Variants in ADD3 observed in about 807,000 individuals in gnomAD.
ADD3 encodes adducin 3.
Under a neutral mutation model 80.2 loss-of-function variants are expected in ADD3, and 25 were observed. The observed-to-expected ratio is 0.31, with a 90% CI of 0.23 to 0.44. The LOEUF is 0.44. Among genes scored for constraint, ADD3 ranks in the 20% least tolerant of loss-of-function variants. The pLI, the probability that ADD3 is intolerant of heterozygous loss-of-function variation, is 1.00. For synonymous variants in ADD3, 284 were observed against 289.6 expected (o/e 0.98, Z 0.20); for missense variants, 829 against 847.5 (o/e 0.98, Z 0.27).
intron 1 of ADD3, among the ~76,000 whole-genome samples, chr10:110,099,788 C>T (rs1037135246): frequency 2.4e-4 from 36 of 152,274 alleles, no homozygotes; most frequent in African/African-American, 8.7e-4. Context: ...TCTGCATGGC[C>T]AAAGGCTACA....
chr10:110,025,852 C>G (rs1220254023), intron 1 of ADD3, among the ~76,000 whole-genome samples: 1 of 152,042 alleles, frequency 6.6e-6, no homozygotes, highest in Non-Finnish European at 1.5e-5. Context: ...AGGGTTTGGA[C>G]AGGATGAGAG....
intron 10 of ADD3, among the ~76,000 whole-genome samples, chr10:110,124,736 A>G (rs1427806367): frequency 6.6e-6 from 1 of 152,182 alleles, no homozygotes; most frequent in Non-Finnish European, 1.5e-5. Context: ...CTTAGGCAAG[A>G]TCTTGTAGGT....
At chr10:110,074,154 G>A (rs890402209) in intron 1 of ADD3, among the ~76,000 whole-genome samples, 1 of 152,174 alleles carries the variant, frequency 6.6e-6, no homozygotes, top group Admixed American at 6.5e-5. Context: ...ACCAGATGAT[G>A]TTTGTTCAAA....
intron 12 of ADD3, among the ~76,000 whole-genome samples, chr10:110,129,714 C>T (rs1852691217): frequency 1.3e-5 from 2 of 152,220 alleles, no homozygotes; most frequent in Admixed American, 6.5e-5. Context: ...ACTTTCTCAG[C>T]TCTGCTACCT....
At chr10:110,119,742 T>G (rs1851220983) in intron 8 of ADD3, 178 bp downstream of exon 8, 1 of 548,550 alleles carries the variant, frequency 1.8e-6, no homozygotes, top group South Asian at 2.4e-5. Flanking sequence ...AAAATAGGAG[T>G]AAAGGAAATT....
At chr10:110,004,331 G>T (rs1044404692), upstream of ADD3, among the ~76,000 whole-genome samples, 1 of 151,544 alleles carries the variant, frequency 6.6e-6, no homozygotes, top group African/African-American at 2.4e-5. Flanking sequence ...TCAGGAGATC[G>T]AGACCATCCT....
intron 1 of ADD3, among the ~76,000 whole-genome samples, chr10:110,013,837 C>G (rs2132991449): frequency 6.6e-6 from 1 of 152,224 alleles, no homozygotes. Context: ...TTGTTGGTTA[C>G]CTACTAGAGG....
In ADD3 at chr10:110,133,674, C is replaced by A; in HGVS notation, c.*56C>A. ...AATGTGACATTGCACATCTAAATAC[C>A]ACATTTAAGTTGATCATTAATATGC... On this transcript the variant is annotated 3_prime_UTR_variant, in exon 15 of 15. Transcript: ENST00000356080. 7.2e-7 allele frequency: 1 copy of A among 1,386,280 alleles called. No individual in the cohort carries two copies. Among genetic ancestry groups the A allele is most frequent in the Non-Finnish European group, 9.7e-7 (1 of 1,034,360 alleles). The allele number at this position is 1,386,280 out of a possible 1,614,324, so 85.9% of individuals were successfully genotyped here. A position where few individuals can be genotyped will look rare whatever the true frequency, so the allele number is the denominator to read the frequency against.
At chr10:110,128,119 G>C (rs1015108931) in intron 12 of ADD3, among the ~76,000 whole-genome samples, 8 of 109,078 alleles carry the variant, frequency 7.3e-5, no homozygotes, top group Admixed American at 4.4e-4. Context: ...TTTTATGATT[G>C]TGTGCTGATC....
At chr10:110,040,915 GCTCT>G (rs150050866) in intron 1 of ADD3, among the ~76,000 whole-genome samples, 56 of 149,382 alleles carry the variant, frequency 3.7e-4, no homozygotes, top group African/African-American at 9.8e-4. Flanking sequence ...GCACGCACGC[GCTCT>G]CTCTCTCTCG....
rs766471457 is a variant in ADD3 at position 110,117,368 on chromosome 10, C to T, written c.513C>T (p.His171=). 1.0e-4 allele frequency: 163 copies of T among 1,604,372 alleles called. 2 individuals carry two copies. In the South Asian group the frequency reaches 1.7e-3, roughly 16 times the overall value. Residue 171 remains histidine (H), a synonymous_variant, in exon 5 of 15, where the codon CAC becomes CAT. Coordinates refer to ENST00000356080, the MANE Select transcript of ADD3 (RefSeq NM_016824.5). The stretch of plus-strand genomic sequence containing the variant: ...TAAGAATAAGTAAGGAGCAAGACCA[C>T]ATTATAATAATTCCCAGAGGCCTAT... ...ISVRISKEQD[H]IIIIPRGLSF... is the part of the protein sequence containing the mutation.
At chr10:110,133,294 A>G in intron 14 of ADD3, 32 bp from the exon 15 acceptor site, 7 of 1,547,482 alleles carry the variant, frequency 4.5e-6, no homozygotes, top group Non-Finnish European at 6.1e-6. Flanking sequence ...AAGTATGTAA[A>G]ATAACCCCCA....
At chr10:110,023,047 T>C (rs1304158416) in intron 1 of ADD3, among the ~76,000 whole-genome samples, 3 of 152,126 alleles carry the variant, frequency 2.0e-5, no homozygotes, top group Non-Finnish European at 4.4e-5. Context: ...ATCAAATGTC[T>C]CTGAGATTTG....
At chr10:110,053,468 C>T (rs552801594) in intron 1 of ADD3, among the ~76,000 whole-genome samples, 1 of 152,206 alleles carries the variant, frequency 6.6e-6, no homozygotes, top group African/African-American at 2.4e-5. Flanking sequence ...TAGTAATACT[C>T]ATTAGAAATT....
chr10:110,070,981 TGGG>T (rs5787833), intron 1 of ADD3, among the ~76,000 whole-genome samples: 1 of 39,618 alleles, frequency 2.5e-5, no homozygotes, highest in African/African-American at 8.2e-5. Context: ...TTGTTGTTTT[TGGG>T]GGGGGGGGGT....
intron 1 of ADD3, among the ~76,000 whole-genome samples, chr10:110,062,578 T>C (rs1046954178): frequency 1.3e-5 from 2 of 152,188 alleles, no homozygotes; most frequent in African/African-American, 4.8e-5. Flanking sequence ...AGACCCTGTC[T>C]CAAAAATTAA....
intron 1 of ADD3, among the ~76,000 whole-genome samples, chr10:110,082,687 T>A (rs1846210432): frequency 6.6e-6 from 1 of 152,254 alleles, no homozygotes. Flanking sequence ...AACATTTTTG[T>A]ATCATTATTT....
upstream of ADD3, among the ~76,000 whole-genome samples, chr10:110,003,673 C>A (rs1039577363): frequency 6.6e-6 from 1 of 152,176 alleles, no homozygotes; most frequent in Non-Finnish European, 1.5e-5. Flanking sequence ...AACTGGAACA[C>A]CAGAACTCTG....
rs970252405 is a variant in ADD3 at position 110,133,750 on chromosome 10, A to C, written c.*132A>C. Reference sequence around the variant, plus strand: ...AGCAAACTGGACTTTAAGAACTGGAAAGAGGTTTTACAAAAGAAAAACTTT... The same window carrying C: ...AGCAAACTGGACTTTAAGAACTGGACAGAGGTTTTACAAAAGAAAAACTTT... On this transcript the variant is annotated 3_prime_UTR_variant, in exon 15 of 15. Coordinates refer to ENST00000356080, the MANE Select transcript of ADD3 (RefSeq NM_016824.5). The C allele has an allele frequency of 3.7e-5, 27 of 720,920 alleles. No homozygotes were observed. Among genetic ancestry groups the C allele is most frequent in the Non-Finnish European group, 5.1e-5 (25 of 490,814 alleles). 44.7% of individuals were successfully genotyped at this position (720,920 alleles called of 1,614,324 possible). A position where few individuals can be genotyped will look rare whatever the true frequency, so the allele number is the denominator to read the frequency against.
Sources: allele counts gnomAD v4.1 joint callset (sites outside exome capture counted in the v4.1 genomes callset), GRCh38; gene constraint gnomAD v4.1.1; transcripts MANE v1.5; gene names NCBI Gene and HGNC (gene_info 2026-07-23, HGNC 2026-07-21).